ANKRD50: variants seen among roughly 807,000 people sequenced by gnomAD.
ANKRD50 encodes ankyrin repeat domain 50, also known as ankyrin repeat domain-containing protein 50.
A neutral mutation model predicts 112.0 loss-of-function variants in ANKRD50; 40 were observed. The ratio of observed to expected loss-of-function variants is 0.36; its 90% confidence interval spans 0.28 to 0.46. The LOEUF (loss-of-function observed/expected upper bound fraction) is 0.46, where lower values mean the gene tolerates loss of function less well. Among genes scored for constraint, ANKRD50 ranks in the 20% least tolerant of loss-of-function variants. The pLI, the probability that ANKRD50 is intolerant of heterozygous loss-of-function variation, is 1.00. For missense variants in ANKRD50, 1,487 were observed against 1,701.7 expected (o/e 0.87, Z 2.22); for synonymous variants, 613 against 619.1 (o/e 0.99, Z 0.15).
chr4:124,668,944 C>A (rs531563080), intron 4 of ANKRD50, 40 bp downstream of exon 4: 79 of 1,548,574 alleles, frequency 5.1e-5, no homozygotes, highest in Non-Finnish European at 6.5e-5. Flanking sequence ...AGAGGGAACT[C>A]TACTTTTGTT....
chr4:124,678,544 A>G, intron 3 of ANKRD50, 132 bp downstream of exon 3: 1 of 770,534 alleles, frequency 1.3e-6, no homozygotes, highest in African/African-American at 1.8e-5. Context: ...TAAATTTCAA[A>G]ACGCACAATT....
chr4:124,697,405 T>C lies in ANKRD50; in HGVS notation c.512+12595A>G, dbSNP rs377190012. Among the ~76,000 whole-genome samples the C allele has an allele frequency of 6.6e-5, 10 of 152,314 alleles. No homozygotes were observed. The East Asian group carries it at 1.5e-3, about 24-fold the overall frequency. On this transcript the variant is annotated intron_variant, in intron 2 of 4. Coordinates refer to ENST00000504087, the MANE Select transcript of ANKRD50 (RefSeq NM_020337.3). ...AAGCTTAATTCTCAGTATAGCAATG[T>C]TGGGAGGTGGTCAATTTAAGAGGTG...
chr4:124,666,439 T>A lies in ANKRD50; in HGVS notation c.*1079A>T, dbSNP rs1730493471. 1 of 152,468 alleles carries A rather than the reference T, an allele frequency of 6.6e-6. No individual in the cohort carries two copies. The highest frequency in any genetic ancestry group is 2.1e-4 in the South Asian group (1 of 4,838). The allele number at this position is 152,468 out of a possible 1,614,324, so 9.4% of individuals were successfully genotyped here. A position where few individuals can be genotyped will look rare whatever the true frequency, so the allele number is the denominator to read the frequency against. On this transcript the variant is annotated 3_prime_UTR_variant, in exon 5 of 5. Transcript: ENST00000504087. ...GTCATCTGTGAAGGGCAGCACATTT[T>A]ATATTCATCCAGAATATTCATCCAA...
chr4:124,696,092 A>G (rs2110522648), intron 2 of ANKRD50, among the ~76,000 whole-genome samples: 1 of 152,288 alleles, frequency 6.6e-6, no homozygotes. Flanking sequence ...TTTTGCTAGT[A>G]TAAACTAAAA....
At position 124,710,560 on chromosome 4, in the gene ANKRD50, G is replaced by T; in HGVS notation, c.-49C>A. The T allele has an allele frequency of 6.5e-7, 1 of 1,538,174 alleles. No individual in the cohort carries two copies. On this transcript the variant is annotated 5_prime_UTR_variant, in exon 2 of 5. Transcript: ENST00000504087. Reference sequence around the variant, plus strand: ...CTAGAGTCTGGATACATCAACACAGGTCTTTCCATCCATTATGACATAACT... The same window carrying T: ...CTAGAGTCTGGATACATCAACACAGTTCTTTCCATCCATTATGACATAACT...
In ANKRD50 at chr4:124,668,432, T is replaced by C. The variant is rs905616733; in HGVS notation, c.*3+552A>G. 2.6e-5 allele frequency among the ~76,000 whole-genome samples: 4 copies of C among 152,086 alleles called. No individual in the cohort carries two copies. In the East Asian group the frequency reaches 7.7e-4, roughly 29 times the overall value. On this transcript the variant is annotated intron_variant, in intron 4 of 4. Coordinates refer to ENST00000504087, the MANE Select transcript of ANKRD50 (RefSeq NM_020337.3). Reference sequence around the variant, plus strand: ...AAAGGAATGAAATTAATATTTACTATCTACTATGTGCTACAGACATTATTG... The same window carrying C: ...AAAGGAATGAAATTAATATTTACTACCTACTATGTGCTACAGACATTATTG...
chr4:124,705,050 C>T (rs192660260), intron 2 of ANKRD50, among the ~76,000 whole-genome samples: 40 of 152,030 alleles, frequency 2.6e-4, no homozygotes, highest in Non-Finnish European at 4.1e-4. Flanking sequence ...GCCAAGATCA[C>T]GCCACTGCAC....
intron 2 of ANKRD50, among the ~76,000 whole-genome samples, chr4:124,698,404 T>C (rs1325024721): frequency 2.0e-5 from 3 of 151,758 alleles, no homozygotes; most frequent in African/African-American, 7.3e-5. Flanking sequence ...TACATATATA[T>C]ACTATTTCAT....
At chr4:124,703,471 T>C (rs1725438084) in intron 2 of ANKRD50, among the ~76,000 whole-genome samples, 2 of 152,082 alleles carry the variant, frequency 1.3e-5, no homozygotes, top group Non-Finnish European at 2.9e-5. Context: ...AGAAAACATA[T>C]TTGTCCTTGA....
chr4:124,670,963 C>T lies in ANKRD50; in HGVS notation c.2314G>A (p.Ala772Thr). 6.2e-7 allele frequency: 1 copy of T among 1,613,834 alleles called. No homozygotes were observed. Among genetic ancestry groups the T allele is most frequent in the East Asian group, 2.2e-5 (1 of 44,846 alleles). The change falls in exon 4 of 5, where the codon GCA becomes ACA. Residue 772 changes from alanine (A) to threonine (T), a missense_variant. Transcript: ENST00000504087. ...TTGTTATCTGTGTGATCTACATCTGCTCCCCCTTCTAGAAGCAAGTCAACC... is the reference window on the plus strand; with the variant it reads ...TTGTTATCTGTGTGATCTACATCTGTTCCCCCTTCTAGAAGCAAGTCAACC... ...DVVDLLLEGG[A>T]DVDHTDNNGR...
At position 124,683,840 on chromosome 4, in the gene ANKRD50, G is replaced by T. The variant is rs28607416; in HGVS notation, c.513-4935C>A. On this transcript the variant is annotated intron_variant, in intron 2 of 4. Transcript: ENST00000504087. ...CATTTTTCTTTTGACTTTTTGAAAG[G>T]TTTTTTTTGGACATGTACAATTTCT... is the stretch of plus-strand genomic sequence containing the variant. Among the ~76,000 whole-genome samples, 1,268 of 132,680 alleles carry T rather than the reference G, an allele frequency of 9.6e-3. 24 individuals carry two copies. The highest frequency in any genetic ancestry group is 0.033 in the African/African-American group (1,201 of 36,372). 87.0% of individuals were successfully genotyped at this position (132,680 alleles called of 152,430 possible). A position where few individuals can be genotyped will look rare whatever the true frequency, so the allele number is the denominator to read the frequency against.
In ANKRD50 at chr4:124,668,983, C is replaced by T. The variant is rs1316090351; in HGVS notation, c.*3+1G>A. Reference sequence around the variant, plus strand: ...TACTCTTTATGTTGACAAAATATTACCTTTTATAATGGTGTTTCCTTTTTA... The same window carrying T: ...TACTCTTTATGTTGACAAAATATTATCTTTTATAATGGTGTTTCCTTTTTA... On this transcript the variant is annotated splice_donor_variant, in intron 4 of 4. Transcript: ENST00000504087. LOFTEE classifies it low-confidence loss of function (3UTR_SPLICE). The T allele has an allele frequency of 1.3e-6, 2 of 1,593,384 alleles. No individual in the cohort carries two copies. Among genetic ancestry groups the T allele is most frequent in the South Asian group, 1.2e-5 (1 of 86,412 alleles).
At chr4:124,693,002 T>C (rs1725171167) in intron 2 of ANKRD50, among the ~76,000 whole-genome samples, 1 of 152,144 alleles carries the variant, frequency 6.6e-6, no homozygotes, top group African/African-American at 2.4e-5. Context: ...GTTTTGAGGG[T>C]AAGCAGCTTG....
intron 2 of ANKRD50, among the ~76,000 whole-genome samples, chr4:124,687,721 A>G (rs762953041): frequency 9.2e-5 from 14 of 152,344 alleles, no homozygotes; most frequent in Non-Finnish European, 1.0e-4. Flanking sequence ...TAGACACTTT[A>G]GAGAGGAAGA....
intron 3 of ANKRD50, 89 bp downstream of exon 3, chr4:124,678,587 C>G: frequency 8.7e-7 from 1 of 1,153,018 alleles, no homozygotes; most frequent in East Asian, 2.4e-5. Context: ...AAATGCAACA[C>G]GCAGATGTTC....
rs2110504619 is a variant in ANKRD50 at position 124,666,776 on chromosome 4, G to T, written c.*742C>A. ...GAATGGAAGATGAAATTGTATCCCA[G>T]CGGATGAAATAGGACTTTGTTCTGC... On this transcript the variant is annotated 3_prime_UTR_variant, in exon 5 of 5. Transcript: ENST00000504087. 6.6e-6 allele frequency: 1 copy of T among 152,474 alleles called. No homozygotes were observed. The highest frequency in any genetic ancestry group is 1.5e-5 in the Non-Finnish European group (1 of 67,908). The allele number at this position is 152,474 out of a possible 1,614,324, so 9.4% of individuals were successfully genotyped here.
Position 124,675,403 on chromosome 4 carries a change from CA to C in ANKRD50, c.743-2870del, listed in dbSNP as rs1421389618. On this transcript the variant is annotated intron_variant, in intron 3 of 4. Transcript: ENST00000504087. ...ACGAAAATAAAACCTAAAAATATAA[CA>C]AGAAGTTTAAGCAAATGCCAGCATA... is the stretch of plus-strand genomic sequence containing the variant. Among the ~76,000 whole-genome samples the C allele has an allele frequency of 7.3e-5, 11 of 151,544 alleles. No homozygotes were observed. The East Asian group carries it at 2.1e-3, about 29-fold the overall frequency.
At chr4:124,674,627 G>T (rs771890197) in intron 3 of ANKRD50, among the ~76,000 whole-genome samples, 4 of 151,864 alleles carry the variant, frequency 2.6e-5, no homozygotes, top group Non-Finnish European at 5.9e-5. Context: ...TTTTCATTAA[G>T]ATAGGAACAA....
chr4:124,682,356 G>T (rs1724910769), intron 2 of ANKRD50, among the ~76,000 whole-genome samples: 1 of 144,422 alleles, frequency 6.9e-6, no homozygotes, highest in South Asian at 2.2e-4. Context: ...AAAAAAGAAT[G>T]CACATACTGT....
Sources: gnomAD v4.1 joint callset for allele counts (sites outside exome capture counted in the v4.1 genomes callset) on GRCh38, gnomAD v4.1.1 for gene constraint, MANE v1.5 for transcripts, NCBI Gene and HGNC (gene_info 2026-07-23, HGNC 2026-07-21) for gene names.